ZCCHC8: variants seen among roughly 807,000 people sequenced by gnomAD.
ZCCHC8 encodes the protein zinc finger CCHC-type containing 8.
In ZCCHC8, 27 loss-of-function variants were observed where a neutral mutation model predicts 70.6. That is an observed-to-expected ratio of 0.38 (90% confidence interval 0.28 to 0.53). ZCCHC8 has a LOEUF of 0.53. ZCCHC8 is among the 20% of genes least tolerant of loss of function. The pLI is 0.81. For synonymous variants in ZCCHC8, 293 were observed against 317.4 expected, an observed-to-expected ratio of 0.92 and a Z score of 0.82; for missense variants, 737 against 876.9, an observed-to-expected ratio of 0.84 and a Z score of 2.01.
At chr12:122,488,696 C>T (rs1006214357) in intron 5 of ZCCHC8, among the ~76,000 whole-genome samples, 3 of 151,748 alleles carry the variant, frequency 2.0e-5, no homozygotes, top group Non-Finnish European at 4.4e-5. Flanking sequence ...CATGGTGAAA[C>T]CCTGTCCCTA....
At chr12:122,484,929 CTT>C (rs1353589762) in intron 5 of ZCCHC8, among the ~76,000 whole-genome samples, 1 of 152,182 alleles carries the variant, frequency 6.6e-6, no homozygotes, top group Non-Finnish European at 1.5e-5. Context: ...TCTCCGTTCT[CTT>C]CTTTCCTTGC....
chr12:122,499,132 A>G (rs929260773), intron 1 of ZCCHC8: 1 of 496,772 alleles, frequency 2.0e-6, no homozygotes, highest in African/African-American at 1.9e-5. Context: ...CTGAACCAAA[A>G]CCATTATTGA....
chr12:122,489,495 G>A (rs780002325), intron 4 of ZCCHC8, 32 bp from the exon 5 acceptor site: 1 of 1,594,594 alleles, frequency 6.3e-7, no homozygotes, highest in South Asian at 1.1e-5. Flanking sequence ...ATTACAACCG[G>A]TAACCAATTT....
chr12:122,484,334 G>C (rs903806318), intron 5 of ZCCHC8, among the ~76,000 whole-genome samples: 1 of 151,948 alleles, frequency 6.6e-6, no homozygotes, highest in African/African-American at 2.4e-5. Context: ...CTGAGCTTAA[G>C]CGATCCACCC....
chr12:122,482,454 C>G, intron 8 of ZCCHC8, 181 bp downstream of exon 8: 1 of 464,974 alleles, frequency 2.2e-6, no homozygotes, highest in East Asian at 3.3e-5. Context: ...AAATTATTTA[C>G]TGAAAAAATT....
At chr12:122,484,764 T>C (rs1279240368) in intron 5 of ZCCHC8, among the ~76,000 whole-genome samples, 2 of 152,126 alleles carry the variant, frequency 1.3e-5, no homozygotes, top group Non-Finnish European at 2.9e-5. Flanking sequence ...ATCACTGGGC[T>C]GAGCTCCTAA....
intron 5 of ZCCHC8, among the ~76,000 whole-genome samples, chr12:122,486,127 A>G (rs1401013460): frequency 2.0e-5 from 3 of 152,126 alleles, no homozygotes; most frequent in South Asian, 2.1e-4. Flanking sequence ...TAAAAAGTCA[A>G]TTCATGGCCA....
At chr12:122,487,511 C>G (rs1363133131) in intron 5 of ZCCHC8, among the ~76,000 whole-genome samples, 1 of 152,156 alleles carries the variant, frequency 6.6e-6, no homozygotes, top group African/African-American at 2.4e-5. Context: ...ACTGAATTCA[C>G]TTTTATGAAT....
intron 5 of ZCCHC8, among the ~76,000 whole-genome samples, chr12:122,485,356 T>G (rs1288507490): frequency 2.6e-5 from 4 of 152,208 alleles, no homozygotes; most frequent in African/African-American, 4.8e-5. Flanking sequence ...TCAGGTGATC[T>G]GCCCGCCTTG....
chr12:122,490,322 C>A, intron 4 of ZCCHC8, 140 bp downstream of exon 4: 1 of 677,496 alleles, frequency 1.5e-6, no homozygotes, highest in South Asian at 1.9e-5. Context: ...AGTCAGGCTT[C>A]GGAAAAGCAA....
chr12:122,479,659 T>C (rs758143545), intron 11 of ZCCHC8, among the ~76,000 whole-genome samples: 1 of 152,186 alleles, frequency 6.6e-6, no homozygotes, highest in Non-Finnish European at 1.5e-5. Context: ...AGAGTACTTT[T>C]AGATTTAGAT....
rs1957574719 is a variant in ZCCHC8, at chr12:122,483,382, T to G, written c.606-38A>C. ...TTATTAAGGAATAGTTATCATGGTCTGCAAAATTTGGAAATTGTTTTAAAG... is the reference window on the plus strand; with the variant it reads ...TTATTAAGGAATAGTTATCATGGTCGGCAAAATTTGGAAATTGTTTTAAAG... On this transcript the variant is annotated intron_variant, in intron 6 of 13. Coordinates refer to ENST00000633063, the MANE Select transcript of ZCCHC8 (RefSeq NM_017612.5). The surrounding 1 kb of genome is among the most constrained non-coding windows in gnomAD (Gnocchi z 4.4). 1 of 1,573,734 alleles carries G rather than the reference T, an allele frequency of 6.4e-7. No individual in the cohort carries two copies. Among genetic ancestry groups the G allele is most frequent in the African/African-American group, 1.3e-5 (1 of 74,128 alleles).
At chr12:122,489,537 A>C (rs1156819443) in intron 4 of ZCCHC8, 74 bp from the exon 5 acceptor site, 1 of 1,317,320 alleles carries the variant, frequency 7.6e-7, no homozygotes, top group East Asian at 2.4e-5. Flanking sequence ...TAGTAAGTTT[A>C]GAAATTAAGC....
intron 13 of ZCCHC8, among the ~76,000 whole-genome samples, chr12:122,477,620 T>C (rs1418875703): frequency 7.2e-6 from 1 of 138,832 alleles, no homozygotes; most frequent in African/African-American, 2.6e-5. Context: ...CTGTCTCTAC[T>C]AAAAAAAAAA....
chr12:122,485,511 C>T (rs1297405128), intron 5 of ZCCHC8, among the ~76,000 whole-genome samples: 6 of 152,124 alleles, frequency 3.9e-5, no homozygotes, highest in African/African-American at 4.8e-5. Context: ...CTGATCAGTC[C>T]TAACCTCCAA....
chr12:122,473,811 T>C lies in ZCCHC8; in HGVS notation c.1810A>G (p.Thr604Ala). 1.2e-6 allele frequency: 2 copies of C among 1,613,492 alleles called. No individual in the cohort carries two copies. Among genetic ancestry groups the C allele is most frequent in the Non-Finnish European group, 1.7e-6 (2 of 1,179,674 alleles). The change falls in exon 14 of 14, where the codon ACA becomes GCA. Residue 604 changes from threonine to alanine, a missense_variant. Physicochemically the swap from Thr to Ala is moderately conservative, Grantham distance 58. Transcript: ENST00000633063. Reference sequence around the variant, plus strand: ...GCTTTTTCCTTCTGACAAAGTGATGTCACCTCAGAGTCTGGACTGGAGGCA... The same window carrying C: ...GCTTTTTCCTTCTGACAAAGTGATGCCACCTCAGAGTCTGGACTGGAGGCA... ...GHASSPDSEVTSLCQKEKAEL... is the reference protein window; with the variant it reads ...GHASSPDSEVASLCQKEKAEL...
At chr12:122,480,619 G>A (rs560981670) in intron 10 of ZCCHC8, 49 of 197,550 alleles carry the variant, frequency 2.5e-4, no homozygotes, top group African/African-American at 1.1e-3. Flanking sequence ...CTACATGAAC[G>A]CACAACCACA....
At chr12:122,499,361 C>T (rs1283680906) in intron 1 of ZCCHC8, 2 of 155,448 alleles carry the variant, frequency 1.3e-5, no homozygotes, top group African/African-American at 4.8e-5. Context: ...CTCCGCCTCC[C>T]AGGTTCAAGG....
chr12:122,480,331 G>C lies in ZCCHC8; in HGVS notation c.1019-20C>G. The C allele has an allele frequency of 6.3e-7, 1 of 1,590,050 alleles. No individual in the cohort carries two copies. Among genetic ancestry groups the C allele is most frequent in the Non-Finnish European group, 8.6e-7 (1 of 1,167,632 alleles). Reference sequence around the variant, plus strand: ...TGCCATCTATTACAGACCATAAAAAGTGTTAATATTGCTAAATGTCAATAT... The same window carrying C: ...TGCCATCTATTACAGACCATAAAAACTGTTAATATTGCTAAATGTCAATAT... On this transcript the variant is annotated intron_variant, in intron 10 of 13. Coordinates refer to ENST00000633063, the MANE Select transcript of ZCCHC8 (RefSeq NM_017612.5).
Sources: gnomAD v4.1 joint callset for allele counts (sites outside exome capture counted in the v4.1 genomes callset) on GRCh38, gnomAD v4.1.1 for gene constraint, Gnocchi (gnomAD v3.1) non-coding constraint, MANE v1.5 for transcripts, NCBI Gene and HGNC (gene_info 2026-07-23, HGNC 2026-07-21) for gene names.